The following VCP variants were observed in gnomAD, a reference collection of about 807,000 sequenced individuals.
VCP encodes the protein valosin containing protein.
VCP carries 6 observed loss-of-function variants against 85.7 expected under a neutral mutation model. The ratio of observed to expected loss-of-function variants is 0.07; its 90% CI spans 0.04 to 0.14. The LOEUF is 0.14. Among genes scored for constraint, VCP ranks in the 10% least tolerant of loss-of-function variants. VCP has a pLI of 1.00. For synonymous variants in VCP, 384 were observed against 367.1 expected (o/e 1.05, Z -0.53); for missense variants, 353 against 1,043.4 (o/e 0.34, Z 9.12).
chr9:35,056,871 G>A lies in VCP; in HGVS notation c.*246C>T, dbSNP rs1320436774. 1.7e-5 allele frequency: 8 copies of A among 484,224 alleles called. No homozygotes were observed. The highest frequency in any genetic ancestry group is 2.7e-5 in the Non-Finnish European group (7 of 261,926). The allele number at this position is 484,224 out of a possible 1,614,324, so 30.0% of individuals were successfully genotyped here. On this transcript the variant is annotated 3_prime_UTR_variant, in exon 17 of 17. Transcript: ENST00000358901. ...TACAACAGAAATGGCATAGGCCCAA[G>A]GCCCAATTCCCTGTTGGTAATTCAC... is the stretch of plus-strand genomic sequence containing the variant.
At chr9:35,067,610 T>C (rs1828858685) in intron 3 of VCP, among the ~76,000 whole-genome samples, 1 of 152,136 alleles carries the variant, frequency 6.6e-6, no homozygotes, top group Admixed American at 6.5e-5. Context: ...AGGATATAAG[T>C]ATGATAAATT....
At chr9:35,068,514 G>C in intron 1 of VCP, 152 bp from the exon 2 acceptor site, 1 of 750,610 alleles carries the variant, frequency 1.3e-6, no homozygotes, top group Non-Finnish European at 2.4e-6. Flanking sequence ...GTCACGAGGA[G>C]CAGTATCTAC....
chr9:35,061,585 G>A lies in VCP; in HGVS notation c.1186C>T (p.Leu396=). ...CATCATCATCACTTCACCTGTTCCA[G>A]GTCCACATCATCTGCCAGCTTCATG... ...KNMKLADDVD[L]EQVANETHGH... is the part of the protein sequence containing the mutation. Residue 396 remains leucine (L), a synonymous_variant, in exon 10 of 17, where the codon CTG becomes TTG. Transcript: ENST00000358901. 2 of 1,614,076 alleles carry A rather than the reference G, an allele frequency of 1.2e-6. No individual in the cohort carries two copies. The highest frequency in any genetic ancestry group is 1.7e-6 in the Non-Finnish European group (2 of 1,179,978).
At chr9:35,061,464 CT>C (rs1828719190) in intron 10 of VCP, 112 bp downstream of exon 10, 3 of 1,113,678 alleles carry the variant, frequency 2.7e-6, no homozygotes, top group Admixed American at 3.4e-5. Flanking sequence ...TTCCTTTCCC[CT>C]GTCCAGAAAT....
intron 1 of VCP, chr9:35,072,090 A>C (rs1175931334): frequency 7.5e-7 from 1 of 1,328,522 alleles, no homozygotes; most frequent in Non-Finnish European, 9.6e-7. Flanking sequence ...TGCATGACAC[A>C]GCACGATCCG....
Position 35,062,328 on chromosome 9 carries a change from C to T in VCP, c.834G>A (p.Leu278=). The change falls in exon 8 of 17, where the codon TTG becomes TTA. Residue 278 remains leucine, a synonymous_variant. Transcript: ENST00000358901. ...GAAGGTTGCTCTCAGACTCACCAGC[C>T]AATTTGCTCATGATCTCAGGACCTG... The part of the protein sequence containing the change: ...LINGPEIMSK[L]AGESESNLRK... 6.2e-7 allele frequency: 1 copy of T among 1,614,122 alleles called. No individual in the cohort carries two copies. Among genetic ancestry groups the T allele is most frequent in the Non-Finnish European group, 8.5e-7 (1 of 1,180,012 alleles).
At chr9:35,065,163 C>T (rs554210337) in intron 5 of VCP, 88 bp downstream of exon 5, 15 of 1,598,734 alleles carry the variant, frequency 9.4e-6, no homozygotes, top group African/African-American at 8.0e-5. Context: ...CCACCGCAGC[C>T]GGCCGAGCAC....
Position 35,056,995 on chromosome 9 carries a change from G to A in VCP, c.*122C>T, listed in dbSNP as rs1041803651. The stretch of plus-strand genomic sequence containing the variant: ...TCCAGAGTCAGACTGTAGCTGAACT[G>A]TTCAGACTGGAGAATGGAGCAGGCT... On this transcript the variant is annotated 3_prime_UTR_variant, in exon 17 of 17. Transcript: ENST00000358901. 17 of 953,630 alleles carry A rather than the reference G, an allele frequency of 1.8e-5. No homozygotes were observed. The highest frequency in any genetic ancestry group is 2.9e-5 in the Non-Finnish European group (17 of 593,332). 59.1% of individuals were successfully genotyped at this position (953,630 alleles called of 1,614,324 possible).
Position 35,059,298 on chromosome 9 carries a change from C to T in VCP, c.2005-79G>A. The T allele has an allele frequency of 1.9e-6, 3 of 1,594,378 alleles. No individual in the cohort carries two copies. Among genetic ancestry groups the T allele is most frequent in the Admixed American group, 3.5e-5 (2 of 56,528 alleles). On this transcript the variant is annotated intron_variant, in intron 14 of 16. Transcript: ENST00000358901. The surrounding 1 kb of genome is among the most constrained non-coding windows in gnomAD (Gnocchi z 4.9). ...CAGATCTTTGGGCTACCCGAGCACTCCCAACTACAGTTTGCCCCTTCTTTG... is the reference window on the plus strand; with the variant it reads ...CAGATCTTTGGGCTACCCGAGCACTTCCAACTACAGTTTGCCCCTTCTTTG...
intron 1 of VCP, chr9:35,072,005 C>T: frequency 3.5e-6 from 4 of 1,127,640 alleles, no homozygotes; most frequent in Non-Finnish European, 4.4e-6. Context: ...GGGCGCCGCG[C>T]CGGCGGAGTG....
intron 9 of VCP, 133 bp from the exon 10 acceptor site, chr9:35,061,822 G>A: frequency 7.0e-7 from 1 of 1,423,342 alleles, no homozygotes; most frequent in Non-Finnish European, 9.8e-7. Context: ...TCAAGCTCTG[G>A]GAAACCTTTC....
chr9:35,060,272 C>T lies in VCP; in HGVS notation c.1695+41G>A, dbSNP rs140722219. 6 of 1,603,644 alleles carry T rather than the reference C, an allele frequency of 3.7e-6. No individual in the cohort carries two copies. In the African/African-American group the frequency reaches 6.7e-5, roughly 18 times the overall value. On this transcript the variant is annotated intron_variant, in intron 13 of 16. Transcript: ENST00000358901. ...AGAAAAACAGCCTCTATTCCTTGCC[C>T]TCAGGCAAATCAATACATAGTTCAG...
At chr9:35,068,888 T>C (rs1052820750) in intron 1 of VCP, among the ~76,000 whole-genome samples, 2 of 152,198 alleles carry the variant, frequency 1.3e-5, no homozygotes, top group African/African-American at 4.8e-5. Context: ...ATAATGAATG[T>C]AAAATGCTTA....
intron 1 of VCP, chr9:35,072,030 G>A: frequency 8.4e-7 from 1 of 1,186,170 alleles, no homozygotes; most frequent in Non-Finnish European, 1.0e-6. Context: ...GGAAGACCTG[G>A]CCAGGCCCAG....
In VCP at chr9:35,061,080, G is replaced by C. The variant is rs771751916; in HGVS notation, c.1294C>G (p.Leu432Val). 4 of 1,614,040 alleles carry C rather than the reference G, an allele frequency of 2.5e-6. No individual in the cohort carries two copies. Among genetic ancestry groups the C allele is most frequent in the Non-Finnish European group, 3.4e-6 (4 of 1,180,042 alleles). ...TCGGCATCAATGGTCTCATCCTCTA[G>C]GTCAATGAGATCCATCTTCTTGCGG... ...AIRKKMDLID[L>V]EDETIDAEVM... Residue 432 changes from leucine (L) to valine (V), a missense_variant, in exon 11 of 17, where the codon CTA becomes GTA. Physicochemically the swap from Leu to Val is conservative, Grantham distance 32. Around this residue, in one of 8 missense-constraint regions of VCP, gnomAD observed 22 missense variants for 31.2 expected, o/e 0.70. Coordinates refer to ENST00000358901, the MANE Select transcript of VCP (RefSeq NM_007126.5).
chr9:35,069,734 G>A (rs1300848385), intron 1 of VCP, among the ~76,000 whole-genome samples: 1 of 152,192 alleles, frequency 6.6e-6, no homozygotes, highest in Non-Finnish European at 1.5e-5. Flanking sequence ...TTACAGGCGT[G>A]AGCCACAGCA....
chr9:35,063,152 CAG>C (rs1828760620), intron 6 of VCP, 72 bp from the exon 7 acceptor site: 1 of 1,369,362 alleles, frequency 7.3e-7, no homozygotes. Flanking sequence ...ACTAGCGCTC[CAG>C]AGAGGGTGAG....
chr9:35,063,154 G>C (rs568440151), intron 6 of VCP, 74 bp from the exon 7 acceptor site: 3 of 1,329,026 alleles, frequency 2.3e-6, no homozygotes, highest in South Asian at 2.3e-5. Context: ...TAGCGCTCCA[G>C]AGAGGGTGAG....
chr9:35,068,182 G>A, intron 2 of VCP, 69 bp downstream of exon 2: 1 of 1,608,006 alleles, frequency 6.2e-7, no homozygotes, highest in East Asian at 2.2e-5. Flanking sequence ...AGAAAAATGA[G>A]AAAAGAAACC....
Sources: gnomAD v4.1 joint callset for allele counts (sites outside exome capture counted in the v4.1 genomes callset) on GRCh38, gnomAD v4.1.1 for gene constraint, gnomAD v4.1.1 regional missense constraint, Gnocchi (gnomAD v3.1) non-coding constraint, MANE v1.5 for transcripts, NCBI Gene and HGNC (gene_info 2026-07-23, HGNC 2026-07-21) for gene names.